Variants in PUDP observed in about 807,000 individuals in gnomAD.
The protein encoded by PUDP is pseudouridine 5'-phosphatase, also known as pseudouridine-5'-phosphatase.
PUDP carries 8 observed loss-of-function variants against 9.4 expected under a neutral mutation model. That is an observed-to-expected ratio of 0.85 (90% CI 0.50 to 1.53). PUDP has a LOEUF of 1.53. Among genes scored for constraint, PUDP ranks in the 40% most tolerant of loss-of-function variants. PUDP has a pLI of 0.00. For synonymous variants in PUDP, 99 were observed against 80.7 expected, an observed-to-expected ratio of 1.23 and a Z score of -1.22; for missense variants, 188 against 189.7, an observed-to-expected ratio of 0.99 and a Z score of 0.05.
At chrX:7,024,037 T>G (rs1240126450) in intron 1 of PUDP, among the ~76,000 whole-genome samples, 1 of 112,131 alleles carries the variant, frequency 8.9e-6, no homozygotes, top group Admixed American at 9.5e-5. Context: ...TTTTGTATAT[T>G]GAGCTTGTGT....
At chrX:6,934,368 T>C (rs370667021) in intron 3 of PUDP, among the ~76,000 whole-genome samples, 37 of 95,864 alleles carry the variant, frequency 3.9e-4, no homozygotes, top group Admixed American at 8.2e-4. Flanking sequence ...CAGAATTTCA[T>C]ATCCAGCCAA....
In PUDP at chrX:6,975,675, C is replaced by A. The variant is rs748985022; in HGVS notation, c.*247+1458G>T. 7.2e-5 allele frequency among the ~76,000 whole-genome samples: 8 copies of A among 111,712 alleles called. No homozygotes were observed. In the South Asian group the frequency reaches 1.9e-3, roughly 26 times the overall value. ...CCCCTACTGGGAGGTGTCTCCCAGT[C>A]AGGAGGCACGGGGGTCAAGGACCCA... On this transcript the variant is annotated intron_variant and NMD_transcript_variant, in intron 3 of 3. Coordinates refer to the PUDP transcript ENST00000655425.
chrX:6,791,083 T>C (rs974935453), intron 3 of PUDP, among the ~76,000 whole-genome samples: 3 of 111,554 alleles, frequency 2.7e-5, no homozygotes, highest in African/African-American at 9.8e-5. Context: ...TGGCCAGATG[T>C]GGTGGCACAT....
chrX:7,117,591 A>G (rs1932230610), intron 1 of PUDP, among the ~76,000 whole-genome samples: 1 of 113,000 alleles, frequency 8.8e-6, no homozygotes, highest in Non-Finnish European at 1.9e-5. Flanking sequence ...TTATATTTAA[A>G]GGGAAGGTAG....
At chrX:7,090,825 C>T (rs1315538695) in intron 2 of PUDP, among the ~76,000 whole-genome samples, 26 of 111,640 alleles carry the variant, frequency 2.3e-4, no homozygotes, top group Admixed American at 2.0e-3. Flanking sequence ...CCCGACTTCA[C>T]CCCAACCAGG....
At chrX:6,770,341 C>A (rs1449773053) in intron 3 of PUDP, among the ~76,000 whole-genome samples, 7 of 112,395 alleles carry the variant, frequency 6.2e-5, no homozygotes, top group Non-Finnish European at 1.3e-4. Flanking sequence ...AAGCTGAACC[C>A]ATTTATTATC....
At position 6,750,998 on chromosome X, in the gene PUDP, C is replaced by T. The variant is rs186790547; in HGVS notation, c.*248-44532G>A. 2.5e-4 allele frequency among the ~76,000 whole-genome samples: 27 copies of T among 109,632 alleles called. No homozygotes were observed. The East Asian group carries it at 3.5e-3, about 14-fold the overall frequency. ...AGCAAAAATACAAAAGGAAATTAGCCGGGTGTGGTGGTGGGCGCCTGTAGT... is the reference window on the plus strand; with the variant it reads ...AGCAAAAATACAAAAGGAAATTAGCTGGGTGTGGTGGTGGGCGCCTGTAGT... On this transcript the variant is annotated intron_variant and NMD_transcript_variant, in intron 3 of 3. Coordinates refer to the PUDP transcript ENST00000655425.
chrX:6,718,635 A>G lies in PUDP; in HGVS notation n.128+2782T>C, dbSNP rs1184308290. On this transcript the variant is annotated intron_variant and non_coding_transcript_variant, in intron 1 of 2. Transcript: ENST00000438499. ...GGAGGAGAGTGAGGGATAAGAAATT[A>G]CTTAATGGGTACAATGTACACTATT... Among the ~76,000 whole-genome samples the G allele has an allele frequency of 2.7e-5, 3 of 111,335 alleles. No homozygotes were observed. The Admixed American group carries it at 2.9e-4, about 11-fold the overall frequency.
At chrX:6,885,075 T>C (rs1447889339) in intron 3 of PUDP, among the ~76,000 whole-genome samples, 3 of 112,268 alleles carry the variant, frequency 2.7e-5, no homozygotes, top group Non-Finnish European at 1.9e-5. Context: ...GTGCAGAACA[T>C]CTGTGCCTTA....
At chrX:6,892,126 C>G (rs1489493600) in intron 3 of PUDP, among the ~76,000 whole-genome samples, 1 of 112,056 alleles carries the variant, frequency 8.9e-6, no homozygotes, top group Admixed American at 9.5e-5. Flanking sequence ...ACAACAAATG[C>G]ATTTTTTAGA....
chrX:6,767,923 G>A lies in PUDP; in HGVS notation c.*248-61457C>T, dbSNP rs192944530. On this transcript the variant is annotated intron_variant and NMD_transcript_variant, in intron 3 of 3. Coordinates refer to the PUDP transcript ENST00000655425. ...CCGAATCTGGGGTGTCTCTGTGACT[G>A]CTACACATACTGGAGTTTTGGGGTT... Among the ~76,000 whole-genome samples, 24 of 111,310 alleles carry A rather than the reference G, an allele frequency of 2.2e-4. No individual in the cohort carries two copies. In the East Asian group the frequency reaches 6.5e-3, roughly 30 times the overall value.
rs183262181 is a variant in PUDP at position 7,039,432 on chromosome X, T to C, written c.204+37788A>G. Among the ~76,000 whole-genome samples, 4 of 111,879 alleles carry C rather than the reference T, an allele frequency of 3.6e-5. No individual in the cohort carries two copies. The East Asian group carries it at 8.4e-4, about 24-fold the overall frequency. On this transcript the variant is annotated intron_variant and NMD_transcript_variant, in intron 1 of 3. Coordinates refer to the PUDP transcript ENST00000655425. ...CTAACACCCAGTACCCGGAATGTGA[T>C]TGTATTTGGAGATGGGTCATTAAGG...
At chrX:6,922,019 A>G (rs960660009) in intron 3 of PUDP, among the ~76,000 whole-genome samples, 10 of 111,447 alleles carry the variant, frequency 9.0e-5, no homozygotes, top group African/African-American at 3.3e-4. Context: ...CAAACATCAC[A>G]TATTCTCACT....
intron 3 of PUDP, among the ~76,000 whole-genome samples, chrX:7,052,906 C>G (rs142737130): frequency 2.7e-5 from 3 of 111,523 alleles, no homozygotes; most frequent in Non-Finnish European, 5.6e-5. Context: ...CCGTAGGACG[C>G]GAGAAGAAAT....
chrX:7,036,539 C>T (rs776553621), intron 1 of PUDP, among the ~76,000 whole-genome samples: 1 of 110,022 alleles, frequency 9.1e-6, no homozygotes, highest in Non-Finnish European at 1.9e-5. Flanking sequence ...CCCTCCCATC[C>T]CCCTCTTTTT....
At chrX:7,044,428 C>T (rs1401783880), downstream of PUDP, among the ~76,000 whole-genome samples, 1 of 112,547 alleles carries the variant, frequency 8.9e-6, no homozygotes, top group African/African-American at 3.2e-5. Context: ...CAATGAAACA[C>T]CAAACACCTT....
chrX:6,854,093 T>C (rs1480780745), intron 3 of PUDP, among the ~76,000 whole-genome samples: 1 of 112,184 alleles, frequency 8.9e-6, no homozygotes, highest in East Asian at 2.8e-4. Context: ...GGTCCCTCCA[T>C]GTTGTATCAC....
At chrX:6,989,164 T>G (rs903755628) in intron 1 of PUDP, among the ~76,000 whole-genome samples, 12 of 111,975 alleles carry the variant, frequency 1.1e-4, no homozygotes, top group Non-Finnish European at 1.9e-4. Context: ...TCTGTATCCT[T>G]CACTGCACTT....
At chrX:6,987,361 G>C (rs184415810) in intron 1 of PUDP, among the ~76,000 whole-genome samples, 6 of 112,047 alleles carry the variant, frequency 5.4e-5, no homozygotes, top group African/African-American at 1.9e-4. Flanking sequence ...AACACGATAA[G>C]GAAACCAGCT....
Sources: gnomAD v4.1 joint callset for allele counts (sites outside exome capture counted in the v4.1 genomes callset) on GRCh38, gnomAD v4.1.1 for gene constraint, MANE v1.5 for transcripts, NCBI Gene and HGNC (gene_info 2026-07-23, HGNC 2026-07-21) for gene names.